The following FOXP2 variants were observed in gnomAD, a reference collection of about 807,000 sequenced individuals.
The protein encoded by FOXP2 is forkhead box protein P2.
In FOXP2, 12 loss-of-function variants were observed where a neutral mutation model predicts 115.8. The ratio of observed to expected loss-of-function variants is 0.10; its 90% CI spans 0.07 to 0.17. FOXP2 has a LOEUF of 0.17. Ranked by LOEUF, FOXP2 falls within the 10% of genes least tolerant of loss-of-function variation. The pLI, the probability that FOXP2 is intolerant of heterozygous loss-of-function variation, is 1.00. For synonymous variants in FOXP2, 328 were observed against 297.7 expected (o/e 1.10, Z -1.05); for missense variants, 629 against 843.5 (o/e 0.75, Z 3.15).
intron 1 of FOXP2, among the ~76,000 whole-genome samples, chr7:114,203,416 T>C (rs1183260928): frequency 6.6e-6 from 1 of 152,200 alleles, no homozygotes; most frequent in Non-Finnish European, 1.5e-5. Flanking sequence ...CACTGCAACT[T>C]CTGTCTCCAG....
chr7:114,645,912 A>G (rs1805856632), intron 8 of FOXP2: 1 of 152,056 alleles, frequency 6.6e-6, no homozygotes, highest in South Asian at 2.1e-4. Context: ...ATATACCACT[A>G]TGGCTCTTTG....
intron 8 of FOXP2, among the ~76,000 whole-genome samples, 165 bp from the exon 9 acceptor site, chr7:114,652,038 A>C (rs916863508): frequency 6.6e-6 from 1 of 152,152 alleles, no homozygotes; most frequent in Non-Finnish European, 1.5e-5. Context: ...AATAATTTTC[A>C]CACAACACGT....
intron 3 of FOXP2, among the ~76,000 whole-genome samples, chr7:114,573,107 G>C (rs975732645): frequency 1.3e-5 from 2 of 151,778 alleles, no homozygotes; most frequent in Non-Finnish European, 2.9e-5. Flanking sequence ...CAGTGCATTT[G>C]CCATCAGATC....
chr7:114,650,202 T>C (rs1806167520), intron 8 of FOXP2, among the ~76,000 whole-genome samples: 2 of 152,222 alleles, frequency 1.3e-5, no homozygotes, highest in South Asian at 4.1e-4. Context: ...TATAAGATCA[T>C]GATTATCACT....
chr7:114,481,633 A>G (rs959315704), intron 2 of FOXP2, among the ~76,000 whole-genome samples: 1 of 151,448 alleles, frequency 6.6e-6, no homozygotes, highest in Non-Finnish European at 1.5e-5. Flanking sequence ...CTGCACTTAG[A>G]GTCCTGCTTC....
chr7:114,172,521 T>TTTA (rs1156970117), intron 1 of FOXP2, among the ~76,000 whole-genome samples: 1 of 152,114 alleles, frequency 6.6e-6, no homozygotes, highest in African/African-American at 2.4e-5. Context: ...TTAATGGTAA[T>TTTA]GTATCAGTTA....
chr7:114,352,343 G>T (rs1331154127), intron 2 of FOXP2, among the ~76,000 whole-genome samples: 1 of 152,076 alleles, frequency 6.6e-6, no homozygotes, highest in Non-Finnish European at 1.5e-5. Context: ...GCTGTACTTT[G>T]GGCCTCAAAA....
At chr7:114,640,179 C>T (rs1026367274) in intron 6 of FOXP2, among the ~76,000 whole-genome samples, 2 of 152,078 alleles carry the variant, frequency 1.3e-5, no homozygotes, top group African/African-American at 2.4e-5. Context: ...TAACATACAC[C>T]AACAGATAAT....
chr7:114,309,904 A>G (rs1313132826), intron 2 of FOXP2, among the ~76,000 whole-genome samples: 1 of 149,402 alleles, frequency 6.7e-6, no homozygotes, highest in Non-Finnish European at 1.5e-5. Context: ...GCCTCAAATG[A>G]TCTTCCCACC....
At chr7:114,530,744 A>T (rs1350596392) in intron 2 of FOXP2, among the ~76,000 whole-genome samples, 2 of 151,898 alleles carry the variant, frequency 1.3e-5, no homozygotes, top group South Asian at 2.1e-4. Flanking sequence ...GTTCATAACT[A>T]GCATAAAATT....
intron 1 of FOXP2, among the ~76,000 whole-genome samples, chr7:114,137,876 C>A (rs890740840): frequency 2.0e-5 from 3 of 151,928 alleles, no homozygotes; most frequent in African/African-American, 4.8e-5. Flanking sequence ...GTCCTGCCAA[C>A]TGAGAGGGCC....
intron 2 of FOXP2, among the ~76,000 whole-genome samples, chr7:114,353,610 C>G (rs932062939): frequency 2.0e-5 from 3 of 152,108 alleles, no homozygotes; most frequent in Non-Finnish European, 2.9e-5. Flanking sequence ...GACACTTTCT[C>G]TAATAGCACT....
intron 1 of FOXP2, among the ~76,000 whole-genome samples, chr7:114,422,183 T>C (rs752761904): frequency 2.2e-4 from 34 of 151,918 alleles, no homozygotes; most frequent in Non-Finnish European, 4.0e-4. Context: ...ATATGTTTGA[T>C]TAAATAAATT....
chr7:114,562,711 A>G (rs904589885), intron 3 of FOXP2, among the ~76,000 whole-genome samples: 1 of 152,086 alleles, frequency 6.6e-6, no homozygotes, highest in African/African-American at 2.4e-5. Context: ...AACAAAAACC[A>G]ATTAAACAAA....
intron 6 of FOXP2, among the ~76,000 whole-genome samples, chr7:114,639,933 A>G (rs1234122414): frequency 6.6e-6 from 1 of 152,184 alleles, no homozygotes; most frequent in Admixed American, 6.6e-5. Context: ...GGGAAGCGAC[A>G]TGACCTAATT....
chr7:114,614,947 G>T (rs975364347), intron 3 of FOXP2, among the ~76,000 whole-genome samples: 1 of 152,016 alleles, frequency 6.6e-6, no homozygotes, highest in Non-Finnish European at 1.5e-5. Flanking sequence ...TTGGCTGGGC[G>T]CAGTGGCTCA....
At chr7:114,642,722 A>C in intron 7 of FOXP2, 99 bp downstream of exon 7, 1 of 892,592 alleles carries the variant, frequency 1.1e-6, no homozygotes, top group Non-Finnish European at 1.8e-6. Context: ...GAGCAAGGAC[A>C]AAATGTATAG....
intron 2 of FOXP2, among the ~76,000 whole-genome samples, chr7:114,517,788 C>T (rs549675007): frequency 6.6e-6 from 1 of 151,964 alleles, no homozygotes; most frequent in Non-Finnish European, 1.5e-5. Context: ...CTTTTTTGCT[C>T]AAGATTGTTT....
intron 1 of FOXP2, among the ~76,000 whole-genome samples, chr7:114,248,654 T>C (rs1795352956): frequency 1.3e-5 from 2 of 152,184 alleles, no homozygotes; most frequent in African/African-American, 4.8e-5. Flanking sequence ...GGAGTAAGCT[T>C]ATTTTTTAGT....
Sources: allele counts gnomAD v4.1 joint callset (sites outside exome capture counted in the v4.1 genomes callset), GRCh38; gene constraint gnomAD v4.1.1; transcripts MANE v1.5; gene names NCBI Gene and HGNC (gene_info 2026-07-23, HGNC 2026-07-21).